Variants in PPP2R2B observed in about 807,000 individuals in gnomAD.
PPP2R2B encodes serine/threonine-protein phosphatase 2A 55 kDa regulatory subunit B beta isoform.
PPP2R2B carries 5 observed loss-of-function variants against 46.0 expected under a neutral mutation model. That is an observed-to-expected ratio of 0.11 (90% CI 0.06 to 0.23). The LOEUF (loss-of-function observed/expected upper bound fraction) is 0.23. Among genes scored for constraint, PPP2R2B ranks in the 10% least tolerant of loss-of-function variants. The pLI is 1.00. For missense variants in PPP2R2B, 367 were observed against 575.0 expected (o/e 0.64, Z 3.70); for synonymous variants, 215 against 206.7 (o/e 1.04, Z -0.34).
chr5:146,596,756 G>C (rs1771211636), intron 8 of PPP2R2B, among the ~76,000 whole-genome samples: 1 of 152,210 alleles, frequency 6.6e-6, no homozygotes, highest in Admixed American at 6.5e-5. Flanking sequence ...GCCAAGCCCT[G>C]AAGTCGAGGT....
chr5:146,814,304 T>C (rs758540275), intron 2 of PPP2R2B, among the ~76,000 whole-genome samples: 18 of 152,156 alleles, frequency 1.2e-4, no homozygotes, highest in Middle Eastern at 6.3e-3. Flanking sequence ...TCTTCCCTTG[T>C]AGCTCTTCTA....
At chr5:146,671,016 A>G (rs1223081167) in intron 5 of PPP2R2B, among the ~76,000 whole-genome samples, 1 of 152,172 alleles carries the variant, frequency 6.6e-6, no homozygotes. Context: ...AAAAATCAAG[A>G]TTTGTAAGTG....
Position 146,667,699 on chromosome 5 carries a change from T to G in PPP2R2B, c.448-16975A>C, listed in dbSNP as rs548563023. On this transcript the variant is annotated intron_variant, in intron 5 of 9. Coordinates refer to ENST00000394411, the MANE Select transcript of PPP2R2B (RefSeq NM_181675.4). ...GTTAGGAACCTCGAAAAATGTGCTT[T>G]GTTTTTCTGTTTCTCTCTTTGTCTG... is the stretch of plus-strand genomic sequence containing the variant. 5.3e-5 allele frequency among the ~76,000 whole-genome samples: 8 copies of G among 152,246 alleles called. No individual in the cohort carries two copies. In the East Asian group the frequency reaches 1.5e-3, roughly 29 times the overall value.
At chr5:147,065,698 C>T (rs879310702) in intron 2 of PPP2R2B, among the ~76,000 whole-genome samples, 6 of 152,034 alleles carry the variant, frequency 3.9e-5, no homozygotes, top group Non-Finnish European at 8.8e-5. Context: ...GGGAAAATGA[C>T]ATATGACTTA....
chr5:146,655,131 T>G (rs977195436), intron 5 of PPP2R2B, among the ~76,000 whole-genome samples: 1 of 152,160 alleles, frequency 6.6e-6, no homozygotes, highest in African/African-American at 2.4e-5. Flanking sequence ...TGCTTCACCC[T>G]CCTCTCTGAC....
intron 1 of PPP2R2B, among the ~76,000 whole-genome samples, chr5:146,965,085 T>A (rs1752343830): frequency 2.0e-5 from 3 of 152,132 alleles, no homozygotes; most frequent in Admixed American, 1.3e-4. Context: ...ATTTTCTTAA[T>A]CTCATCCTCT....
intron 1 of PPP2R2B, among the ~76,000 whole-genome samples, chr5:146,996,531 AG>A (rs1403995782): frequency 9.9e-5 from 15 of 152,170 alleles, no homozygotes; most frequent in African/African-American, 3.4e-4. Context: ...CAGCTCCTGA[AG>A]ATCCCTAAAT....
At chr5:146,902,931 A>T (rs1385965682) in intron 1 of PPP2R2B, among the ~76,000 whole-genome samples, 1 of 152,218 alleles carries the variant, frequency 6.6e-6, no homozygotes, top group African/African-American at 2.4e-5. Flanking sequence ...GGAGGTCCAT[A>T]GATCAAAACC....
At chr5:146,668,803 G>A (rs1040195462) in intron 5 of PPP2R2B, among the ~76,000 whole-genome samples, 3 of 152,126 alleles carry the variant, frequency 2.0e-5, no homozygotes, top group Non-Finnish European at 4.4e-5. Context: ...ATCCATTTCT[G>A]TACTGCTTTC....
At chr5:146,641,855 T>C (rs559899756) in intron 6 of PPP2R2B, among the ~76,000 whole-genome samples, 1 of 152,246 alleles carries the variant, frequency 6.6e-6, no homozygotes, top group African/African-American at 2.4e-5. Flanking sequence ...TCACTTTTAT[T>C]TTTTTTAATC....
At chr5:147,007,840 T>C (rs1754517760) in intron 1 of PPP2R2B, among the ~76,000 whole-genome samples, 1 of 152,042 alleles carries the variant, frequency 6.6e-6, no homozygotes, top group Admixed American at 6.6e-5. Flanking sequence ...ATCTGAACAT[T>C]AGAGGAAAAA....
chr5:146,764,675 CAG>C (rs1754364857), intron 2 of PPP2R2B, among the ~76,000 whole-genome samples: 1 of 152,194 alleles, frequency 6.6e-6, no homozygotes, highest in South Asian at 2.1e-4. Flanking sequence ...TAGGCAACCT[CAG>C]TGGGAATGTC....
chr5:146,721,592 A>G (rs1427569970), intron 2 of PPP2R2B, among the ~76,000 whole-genome samples: 3 of 152,216 alleles, frequency 2.0e-5, no homozygotes, highest in African/African-American at 7.2e-5. Context: ...ATCTGAATCT[A>G]TTTTGTTCAA....
intron 5 of PPP2R2B, among the ~76,000 whole-genome samples, chr5:146,665,923 T>C (rs1581826670): frequency 1.3e-5 from 2 of 152,230 alleles, no homozygotes; most frequent in East Asian, 1.9e-4. Flanking sequence ...AAAATGGTGC[T>C]AATAGATTTG....
At chr5:146,891,185 G>A (rs1762481753) in intron 1 of PPP2R2B, among the ~76,000 whole-genome samples, 1 of 152,214 alleles carries the variant, frequency 6.6e-6, no homozygotes, top group African/African-American at 2.4e-5. Context: ...TTAAAGGCAT[G>A]ATTTTTGAGA....
chr5:146,976,708 T>C (rs977053067), intron 1 of PPP2R2B, among the ~76,000 whole-genome samples: 1 of 152,196 alleles, frequency 6.6e-6, no homozygotes, highest in Non-Finnish European at 1.5e-5. Flanking sequence ...GCCAGTACCA[T>C]ATGGATTTAT....
At chr5:147,030,710 C>T (rs184506723) in intron 1 of PPP2R2B, among the ~76,000 whole-genome samples, 53 of 152,260 alleles carry the variant, frequency 3.5e-4, no homozygotes, top group Non-Finnish European at 6.3e-4. Flanking sequence ...TTTATATTAG[C>T]TATCTTACTA....
chr5:146,723,823 A>G (rs1183450700), intron 2 of PPP2R2B, among the ~76,000 whole-genome samples: 2 of 151,924 alleles, frequency 1.3e-5, no homozygotes, highest in African/African-American at 4.8e-5. Flanking sequence ...TCTTCCTCCC[A>G]CCTTACAAAA....
chr5:146,827,999 A>AAGAG lies in PPP2R2B; in HGVS notation c.70+49999_70+50002dup, dbSNP rs35087951. Among the ~76,000 whole-genome samples, 44 of 148,822 alleles carry AAGAG rather than the reference A, an allele frequency of 3.0e-4. No homozygotes were observed. In the East Asian group the frequency reaches 5.0e-3, roughly 17 times the overall value. On this transcript the variant is annotated intron_variant, in intron 2 of 9. Transcript: ENST00000394411. Reference sequence around the variant, plus strand: ...ATTGGGAGTCTCCATGGCCTAGTTGAAGAGAGAGAGAGAGAGAGAGAGAGA... The same window carrying AAGAG: ...ATTGGGAGTCTCCATGGCCTAGTTGAAGAGAGAGAGAGAGAGAGAGAGAGAGAGA...
Sources: gnomAD v4.1 joint callset for allele counts (sites outside exome capture counted in the v4.1 genomes callset) on GRCh38, gnomAD v4.1.1 for gene constraint, MANE v1.5 for transcripts, NCBI Gene and HGNC (gene_info 2026-07-23, HGNC 2026-07-21) for gene names.